Variants in NALF1 observed in about 807,000 individuals in gnomAD.
The protein encoded by NALF1 is NALCN channel auxiliary factor 1, also known as family with sequence similarity 155 member A.
In NALF1, 3 loss-of-function variants were observed where a neutral mutation model predicts 48.4. The observed-to-expected ratio is 0.06, with a 90% CI of 0.03 to 0.16. The LOEUF is 0.16. NALF1 is among the 10% of genes least tolerant of loss of function. NALF1 has a pLI of 1.00. For synonymous variants in NALF1, 262 were observed against 245.7 expected (o/e 1.07, Z -0.62); for missense variants, 526 against 571.5 (o/e 0.92, Z 0.81).
chr13:107,715,308 A>G (rs1392126322), intron 1 of NALF1, among the ~76,000 whole-genome samples: 2 of 151,780 alleles, frequency 1.3e-5, no homozygotes, highest in Non-Finnish European at 2.9e-5. Flanking sequence ...GTTGAAAAGA[A>G]TCTCCTGCCT....
intron 1 of NALF1, among the ~76,000 whole-genome samples, chr13:107,523,426 G>T (rs936929273): frequency 1.3e-5 from 2 of 152,036 alleles, no homozygotes; most frequent in Non-Finnish European, 2.9e-5. Flanking sequence ...CAACGTGCAG[G>T]TTTGTTACAT....
At chr13:107,835,928 G>C (rs1879875487) in intron 1 of NALF1, among the ~76,000 whole-genome samples, 1 of 152,086 alleles carries the variant, frequency 6.6e-6, no homozygotes, top group Admixed American at 6.6e-5. Flanking sequence ...CAAATCTTGG[G>C]CAAGGACCCA....
chr13:107,326,790 G>C (rs556633526), intron 1 of NALF1, among the ~76,000 whole-genome samples: 24 of 152,238 alleles, frequency 1.6e-4, no homozygotes, highest in Non-Finnish European at 2.5e-4. Context: ...GTCTCCACTG[G>C]GCCTTGAGGG....
chr13:107,811,311 G>A (rs1357650630), intron 1 of NALF1, among the ~76,000 whole-genome samples: 1 of 152,084 alleles, frequency 6.6e-6, no homozygotes, highest in Non-Finnish European at 1.5e-5. Flanking sequence ...GTCCACTTAA[G>A]AAATTCTACC....
In NALF1 at chr13:107,623,460, T is replaced by A. The variant is rs201943256; in HGVS notation, c.915+242222A>T. Among the ~76,000 whole-genome samples, 719 of 88,540 alleles carry A rather than the reference T, an allele frequency of 8.1e-3. 4 individuals carry two copies. Among genetic ancestry groups the A allele is most frequent in the African/African-American group, 0.015 (488 of 32,310 alleles). 58.1% of individuals were successfully genotyped at this position (88,540 alleles called of 152,430 possible). A position where few individuals can be genotyped will look rare whatever the true frequency, so the allele number is the denominator to read the frequency against. On this transcript the variant is annotated intron_variant, in intron 1 of 2. Transcript: ENST00000375915. ...TAAAGAAATTAGAAAAAAAAAAAAATATTACTCCCCCTGAGCCATCTTTAA... is the reference window on the plus strand; with the variant it reads ...TAAAGAAATTAGAAAAAAAAAAAAAAATTACTCCCCCTGAGCCATCTTTAA...
At chr13:107,484,369 G>A (rs970315004) in intron 1 of NALF1, among the ~76,000 whole-genome samples, 16 of 152,078 alleles carry the variant, frequency 1.1e-4, no homozygotes, top group Non-Finnish European at 1.9e-4. Context: ...TCAATCATGA[G>A]AACATATTAG....
At chr13:107,651,717 C>T (rs1880454992) in intron 1 of NALF1, among the ~76,000 whole-genome samples, 1 of 152,172 alleles carries the variant, frequency 6.6e-6, no homozygotes. Flanking sequence ...TCTCTGAACT[C>T]AGCTTGTTAT....
intron 2 of NALF1, among the ~76,000 whole-genome samples, chr13:107,183,911 A>T (rs1879118595): frequency 6.6e-6 from 1 of 151,952 alleles, no homozygotes; most frequent in Non-Finnish European, 1.5e-5. Context: ...TTTTCCAACA[A>T]ATTTTTCCAA....
chr13:107,772,882 T>C (rs2138571586), intron 1 of NALF1, among the ~76,000 whole-genome samples: 1 of 152,330 alleles, frequency 6.6e-6, no homozygotes, highest in African/African-American at 2.4e-5. Flanking sequence ...ATAAAATCTC[T>C]ACCATATGTG....
At chr13:107,194,995 T>C (rs930275330) in intron 2 of NALF1, among the ~76,000 whole-genome samples, 1 of 152,082 alleles carries the variant, frequency 6.6e-6, no homozygotes, top group African/African-American at 2.4e-5. Flanking sequence ...ATCAGGGAAA[T>C]GCAAATTAAA....
At chr13:107,214,105 C>G (rs1038573272) in intron 1 of NALF1, among the ~76,000 whole-genome samples, 3 of 152,186 alleles carry the variant, frequency 2.0e-5, no homozygotes, top group Admixed American at 6.5e-5. Flanking sequence ...AATAGACTTT[C>G]AATACCTCTT....
At chr13:107,180,030 A>G (rs1338773386) in intron 2 of NALF1, among the ~76,000 whole-genome samples, 7 of 147,928 alleles carry the variant, frequency 4.7e-5, no homozygotes, top group Admixed American at 2.7e-4. Context: ...TTTTGAGGAT[A>G]CCCCATTTAG....
In NALF1 at chr13:107,629,086, C is replaced by T. The variant is rs9559109; in HGVS notation, c.915+236596G>A. ...CAACCACACAGTGTTGTGCCTGGAG[C>T]TGAATTAAATTTCATAAGACTAATG... is the stretch of plus-strand genomic sequence containing the variant. On this transcript the variant is annotated intron_variant, in intron 1 of 2. Coordinates refer to ENST00000375915, the MANE Select transcript of NALF1 (RefSeq NM_001080396.3). Among the ~76,000 whole-genome samples the T allele has an allele frequency of 1.7e-3, 253 of 152,224 alleles. 3 individuals are homozygous for T. The East Asian group carries it at 0.023, about 14-fold the overall frequency.
At chr13:107,633,536 T>C (rs953518984) in intron 1 of NALF1, among the ~76,000 whole-genome samples, 1 of 151,952 alleles carries the variant, frequency 6.6e-6, no homozygotes, top group South Asian at 2.1e-4. Context: ...CTGTCCAAGT[T>C]ATTTACCTCC....
intron 1 of NALF1, among the ~76,000 whole-genome samples, chr13:107,404,939 A>G (rs1375293532): frequency 6.6e-6 from 1 of 152,078 alleles, no homozygotes; most frequent in Non-Finnish European, 1.5e-5. Context: ...ATGACAGTAA[A>G]GTTGCAATAA....
chr13:107,475,814 G>C (rs1213129931), intron 1 of NALF1, among the ~76,000 whole-genome samples: 1 of 152,082 alleles, frequency 6.6e-6, no homozygotes, highest in Non-Finnish European at 1.5e-5. Context: ...ATTGAGAGTT[G>C]TTCAACCAAT....
At chr13:107,454,239 A>T (rs1884788660) in intron 1 of NALF1, among the ~76,000 whole-genome samples, 1 of 152,238 alleles carries the variant, frequency 6.6e-6, no homozygotes, top group African/African-American at 2.4e-5. Context: ...GTACCAATTT[A>T]CCATATTAGT....
rs1251399129 is a variant in NALF1, at chr13:107,846,716, G to A, written c.915+18966C>T. Among the ~76,000 whole-genome samples the A allele has an allele frequency of 2.6e-5, 4 of 152,188 alleles. No homozygotes were observed. The East Asian group carries it at 7.7e-4, about 29-fold the overall frequency. ...GTAGGGTCAGAATAGCTGAGGAGGA[G>A]TTTCCAGACTTCTATTCATAAAAGG... On this transcript the variant is annotated intron_variant, in intron 1 of 2. Coordinates refer to ENST00000375915, the MANE Select transcript of NALF1 (RefSeq NM_001080396.3).
chr13:107,241,291 G>C lies in NALF1; in HGVS notation c.916-30536C>G, dbSNP rs545428136. ...CATCTCCTCAATCTTTCTCATATCAGATATGAAGACCACCTGAACTGAAAG... is the reference window on the plus strand; with the variant it reads ...CATCTCCTCAATCTTTCTCATATCACATATGAAGACCACCTGAACTGAAAG... On this transcript the variant is annotated intron_variant, in intron 1 of 2. Coordinates refer to ENST00000375915, the MANE Select transcript of NALF1 (RefSeq NM_001080396.3). Among the ~76,000 whole-genome samples the C allele has an allele frequency of 2.2e-4, 34 of 152,152 alleles. 1 individual carries two copies. In the South Asian group the frequency reaches 5.0e-3, roughly 22 times the overall value.
Sources: allele counts gnomAD v4.1 joint callset (sites outside exome capture counted in the v4.1 genomes callset), GRCh38; gene constraint gnomAD v4.1.1; transcripts MANE v1.5; gene names NCBI Gene and HGNC (gene_info 2026-07-23, HGNC 2026-07-21).